The following PRDM16 variants were observed in gnomAD, a reference collection of about 807,000 sequenced individuals.
The protein encoded by PRDM16 is PR/SET domain 16.
Under a neutral mutation model 110.6 loss-of-function variants are expected in PRDM16, and 23 were observed. The observed-to-expected ratio is 0.21, with a 90% CI of 0.15 to 0.29. The LOEUF is 0.29. PRDM16 is among the 10% of genes least tolerant of loss of function. The pLI is 1.00. For synonymous variants in PRDM16, 799 were observed against 781.8 expected (o/e 1.02, Z -0.37); for missense variants, 1,615 against 1,794.3 (o/e 0.90, Z 1.81).
intron 2 of PRDM16, among the ~76,000 whole-genome samples, chr1:3,199,641 T>G (rs1165082787): frequency 2.6e-5 from 4 of 152,156 alleles, no homozygotes; most frequent in Non-Finnish European, 5.9e-5. Context: ...CAAAGCATCC[T>G]CATCCCATGG....
intron 3 of PRDM16, among the ~76,000 whole-genome samples, chr1:3,355,058 T>G (rs1642566820): frequency 6.6e-6 from 1 of 152,012 alleles, no homozygotes; most frequent in Non-Finnish European, 1.5e-5. Flanking sequence ...AAGCCAGGAC[T>G]GCTGCCCTGA....
chr1:3,255,872 G>A lies in PRDM16; in HGVS notation c.438+11735G>A, dbSNP rs999166784. On this transcript the variant is annotated intron_variant, in intron 3 of 16. Coordinates refer to ENST00000270722, the MANE Select transcript of PRDM16 (RefSeq NM_022114.4). The surrounding 1 kb of genome is among the most constrained non-coding windows in gnomAD (Gnocchi z 4.7). ...CGCACCGACACCCGAAGCCAACCCC[G>A]TGGCCGCACTGACACCCGAAGCCAA... is the stretch of plus-strand genomic sequence containing the variant. Among the ~76,000 whole-genome samples the A allele has an allele frequency of 2.0e-4, 30 of 147,528 alleles. No individual in the cohort carries two copies. Among genetic ancestry groups the A allele is most frequent in the African/African-American group, 7.5e-4 (30 of 39,860 alleles).
intron 2 of PRDM16, among the ~76,000 whole-genome samples, chr1:3,193,954 C>T (rs897493907): frequency 1.3e-5 from 2 of 152,168 alleles, no homozygotes. Flanking sequence ...TGCCCAGGAA[C>T]GTCCCAGTGT....
intron 1 of PRDM16, among the ~76,000 whole-genome samples, chr1:3,164,481 C>T (rs1029367681): frequency 2.0e-5 from 3 of 152,180 alleles, no homozygotes; most frequent in African/African-American, 4.8e-5. Flanking sequence ...AGAAAGAGGA[C>T]GGCTTCCAGT....
intron 1 of PRDM16, among the ~76,000 whole-genome samples, chr1:3,099,326 C>T (rs1001245446): frequency 2.6e-5 from 4 of 152,256 alleles, no homozygotes; most frequent in African/African-American, 4.8e-5. Context: ...AACATACAGA[C>T]AGTGACGACC....
chr1:3,415,628 G>C (rs893727754), intron 10 of PRDM16, among the ~76,000 whole-genome samples: 6 of 152,258 alleles, frequency 3.9e-5, no homozygotes, highest in Non-Finnish European at 7.3e-5. Flanking sequence ...GGGGAGCGAG[G>C]CCGGGAATAT....
intron 3 of PRDM16, among the ~76,000 whole-genome samples, chr1:3,280,895 G>A (rs892636121): frequency 6.6e-6 from 1 of 152,178 alleles, no homozygotes; most frequent in East Asian, 1.9e-4. Flanking sequence ...GAAACAATGC[G>A]GAGCCCCCAG....
rs79749883 is a variant in PRDM16 at position 3,280,748 on chromosome 1, G to A, written c.438+36611G>A. Among the ~76,000 whole-genome samples the A allele has an allele frequency of 7.4e-3, 1,120 of 152,314 alleles. 14 individuals carry two copies. Among genetic ancestry groups the A allele is most frequent in the African/African-American group, 0.025 (1,033 of 41,576 alleles). ...TGAAAGGGAACCTTGAGAAAGACCCGTTCCTAGGTGAAGTGAGAAGCAGGC... is the reference window on the plus strand; with the variant it reads ...TGAAAGGGAACCTTGAGAAAGACCCATTCCTAGGTGAAGTGAGAAGCAGGC... On this transcript the variant is annotated intron_variant, in intron 3 of 16. Transcript: ENST00000270722.
At chr1:3,220,234 C>T (rs1029872901) in intron 2 of PRDM16, among the ~76,000 whole-genome samples, 1 of 152,194 alleles carries the variant, frequency 6.6e-6, no homozygotes, top group South Asian at 2.1e-4. Context: ...CCCCACAGCA[C>T]GCCCAGCCTC....
chr1:3,309,402 T>C (rs1172534472), intron 3 of PRDM16: 1 of 152,288 alleles, frequency 6.6e-6, no homozygotes, highest in African/African-American at 2.4e-5. Flanking sequence ...CCTTCCCTCC[T>C]GCTCCCGGTC....
chr1:3,176,264 GTCCATCCA>G (rs1224462324), intron 1 of PRDM16, among the ~76,000 whole-genome samples: 2 of 147,780 alleles, frequency 1.4e-5, no homozygotes, highest in African/African-American at 2.5e-5. Flanking sequence ...TCCACCATCT[GTCCATCCA>G]TCCATCCATC....
chr1:3,165,681 C>CTTTTT (rs1169090803), intron 1 of PRDM16, among the ~76,000 whole-genome samples: 1 of 81,526 alleles, frequency 1.2e-5, no homozygotes, highest in Non-Finnish European at 2.3e-5. Flanking sequence ...AGTGACTCAC[C>CTTTTT]TGGGCCCAGG....
chr1:3,085,947 C>T (rs1422584713), intron 1 of PRDM16, among the ~76,000 whole-genome samples: 12 of 152,220 alleles, frequency 7.9e-5, no homozygotes, highest in Admixed American at 5.9e-4. Context: ...CGTGGGTTCA[C>T]GTTGACAGAG....
At chr1:3,295,287 T>C (rs1247133556) in intron 3 of PRDM16, among the ~76,000 whole-genome samples, 1 of 152,124 alleles carries the variant, frequency 6.6e-6, no homozygotes, top group Non-Finnish European at 1.5e-5. Context: ...TGGCCTCACT[T>C]TCCCCTCTTT....
chr1:3,335,717 G>A (rs186190577), intron 3 of PRDM16, among the ~76,000 whole-genome samples: 24 of 151,858 alleles, frequency 1.6e-4, no homozygotes, highest in Admixed American at 5.2e-4. Flanking sequence ...CTTCTTCCCC[G>A]TTCTTTCTGG....
intron 1 of PRDM16, among the ~76,000 whole-genome samples, chr1:3,117,578 T>G (rs1229972014): frequency 6.6e-6 from 1 of 151,940 alleles, no homozygotes; most frequent in Non-Finnish European, 1.5e-5. Context: ...TCTGCTTGAT[T>G]TGCCAAGTTG....
At chr1:3,325,931 T>C (rs572806068) in intron 3 of PRDM16, among the ~76,000 whole-genome samples, 1,426 of 114,234 alleles carry the variant, frequency 0.012, 28 homozygotes, top group African/African-American at 0.045. Flanking sequence ...TCCTCGGCCC[T>C]CTTGGCCCTC....
chr1:3,426,382 T>G (rs1388973348), intron 14 of PRDM16, among the ~76,000 whole-genome samples, 157 bp downstream of exon 14: 1 of 150,962 alleles, frequency 6.6e-6, no homozygotes, highest in Non-Finnish European at 1.5e-5. Context: ...GCCCCTGGGC[T>G]CTGGGAACCT....
chr1:3,421,506 G>A (rs1638429569), intron 12 of PRDM16, among the ~76,000 whole-genome samples: 1 of 152,224 alleles, frequency 6.6e-6, no homozygotes, highest in African/African-American at 2.4e-5. Flanking sequence ...CAGCTGCTCG[G>A]AGAACTCTGC....
Sources: allele counts gnomAD v4.1 joint callset (sites outside exome capture counted in the v4.1 genomes callset), GRCh38; gene constraint gnomAD v4.1.1; non-coding constraint Gnocchi (gnomAD v3.1); transcripts MANE v1.5; gene names NCBI Gene and HGNC (gene_info 2026-07-23, HGNC 2026-07-21).